The following TBC1D5 variants were observed in gnomAD, a reference collection of about 807,000 sequenced individuals.
The protein encoded by TBC1D5 is TBC1 domain family, member 5.
TBC1D5 carries 75 observed loss-of-function variants against 100.3 expected under a neutral mutation model. The observed-to-expected ratio is 0.75, with a 90% CI of 0.62 to 0.91. The LOEUF (loss-of-function observed/expected upper bound fraction) is 0.91. Ranked by LOEUF, TBC1D5 falls within the 40% of genes least tolerant of loss-of-function variation. The probability of loss-of-function intolerance (pLI) is 0.00; values close to 1 mark genes in which losing one functional copy is unlikely to be tolerated. For synonymous variants in TBC1D5, 323 were observed against 325.6 expected (o/e 0.99, Z 0.09); for missense variants, 910 against 942.4 (o/e 0.97, Z 0.45).
At chr3:17,741,461 G>A (rs572538546), upstream of TBC1D5, among the ~76,000 whole-genome samples, 107 of 152,312 alleles carry the variant, frequency 7.0e-4, no homozygotes, top group Admixed American at 2.2e-3. Flanking sequence ...CCTGCTTTAA[G>A]TATTTTGTGC....
At chr3:17,424,579 C>G (rs1484790326) in intron 4 of TBC1D5, among the ~76,000 whole-genome samples, 6 of 152,164 alleles carry the variant, frequency 3.9e-5, no homozygotes, top group African/African-American at 7.2e-5. Flanking sequence ...TATAAACTTT[C>G]CATTTTAACG....
chr3:17,404,793 A>G (rs745635307), intron 6 of TBC1D5, 25 bp from the exon 7 acceptor site: 21 of 1,599,038 alleles, frequency 1.3e-5, no homozygotes, highest in Non-Finnish European at 1.8e-5. Context: ...GAAAACACAC[A>G]CACAAGGATC....
chr3:17,386,178 T>A (rs915444801), intron 8 of TBC1D5, among the ~76,000 whole-genome samples: 5 of 152,040 alleles, frequency 3.3e-5, no homozygotes, highest in Non-Finnish European at 7.4e-5. Context: ...TTATATAACA[T>A]AAATTTAACT....
At chr3:17,689,866 A>C (rs781662315) in intron 1 of TBC1D5, among the ~76,000 whole-genome samples, 1 of 149,858 alleles carries the variant, frequency 6.7e-6, no homozygotes, top group Non-Finnish European at 1.5e-5. Flanking sequence ...ATCCCTAAAC[A>C]TACCTAAACA....
chr3:17,233,394 G>C (rs1161044569), intron 17 of TBC1D5, among the ~76,000 whole-genome samples: 1 of 152,064 alleles, frequency 6.6e-6, no homozygotes, highest in Non-Finnish European at 1.5e-5. Context: ...GGCACACAAA[G>C]TATACTATGT....
intron 1 of TBC1D5, among the ~76,000 whole-genome samples, chr3:17,662,034 C>G (rs145952284): frequency 5.4e-4 from 82 of 152,162 alleles, no homozygotes; most frequent in African/African-American, 1.8e-3. Context: ...AGGACTACAG[C>G]TATGCACCAC....
At chr3:17,455,540 GTGTGTA>G (rs2095063790) in intron 3 of TBC1D5, among the ~76,000 whole-genome samples, 1 of 147,620 alleles carries the variant, frequency 6.8e-6, no homozygotes, top group African/African-American at 2.6e-5. Flanking sequence ...ATGTGTGTGT[GTGTGTA>G]TATATATATA....
rs549186228 is a variant in TBC1D5, at chr3:17,591,189, T to A, written c.-36+32660A>T. Among the ~76,000 whole-genome samples the A allele has an allele frequency of 1.2e-3, 154 of 127,236 alleles. 1 individual carries two copies. Among genetic ancestry groups the A allele is most frequent in the African/African-American group, 4.4e-3 (149 of 33,542 alleles). The allele number at this position is 127,236 out of a possible 152,430, so 83.5% of individuals were successfully genotyped here. A position where few individuals can be genotyped will look rare whatever the true frequency, so the allele number is the denominator to read the frequency against. ...AGGCAGAGCTTGCAGTGAGCCGAGA[T>A]TGCGCCACTGTACTCCAGACTGGGC... On this transcript the variant is annotated intron_variant, in intron 2 of 21. Transcript: ENST00000253692.
chr3:17,197,750 C>T (rs1002456817), intron 18 of TBC1D5, among the ~76,000 whole-genome samples: 19 of 152,186 alleles, frequency 1.2e-4, no homozygotes, highest in African/African-American at 3.4e-4. Context: ...CTGACAATTC[C>T]GCTGGATGGG....
At chr3:17,254,342 G>C (rs763514534) in intron 16 of TBC1D5, among the ~76,000 whole-genome samples, 1 of 152,070 alleles carries the variant, frequency 6.6e-6, no homozygotes, top group Non-Finnish European at 1.5e-5. Context: ...AATACATGAG[G>C]GTTCTAATTG....
chr3:17,739,414 T>C (rs1248897958), exon 1 of TBC1D5: 12 of 152,244 alleles, frequency 7.9e-5, no homozygotes, highest in African/African-American at 2.7e-4. Flanking sequence ...TCATTTTCTG[T>C]ATCGTCCTCA....
intron 17 of TBC1D5, among the ~76,000 whole-genome samples, chr3:17,231,700 G>A (rs1310108277): frequency 1.3e-5 from 2 of 151,794 alleles, no homozygotes; most frequent in Admixed American, 1.3e-4. Context: ...TTGCTTCTTG[G>A]TACTCTTCAG....
At chr3:17,706,187 C>A in intron 1 of TBC1D5, 2 of 1,559,086 alleles carry the variant, frequency 1.3e-6, no homozygotes, top group Non-Finnish European at 1.7e-6. Flanking sequence ...GCTCGAAGGG[C>A]CTCTTCTCCG....
At chr3:17,665,761 C>A (rs775780221) in intron 1 of TBC1D5, among the ~76,000 whole-genome samples, 21 of 152,184 alleles carry the variant, frequency 1.4e-4, no homozygotes, top group Non-Finnish European at 2.8e-4. Flanking sequence ...CTGGCCCAAT[C>A]ACCTAAACAA....
rs17043175 is a variant in TBC1D5 at position 17,192,800 on chromosome 3, C to A, written c.1753-7592G>T. Among the ~76,000 whole-genome samples, 855 of 152,372 alleles carry A rather than the reference C, an allele frequency of 5.6e-3. 15 individuals are homozygous for A. Among genetic ancestry groups the A allele is most frequent in the African/African-American group, 0.02 (819 of 41,588 alleles). Reference sequence around the variant, plus strand: ...AGCTGGGCAAGTAGCAGAAATCCCACTGGTAGGCTTCCTTGTTTTTCAGCC... The same window carrying A: ...AGCTGGGCAAGTAGCAGAAATCCCAATGGTAGGCTTCCTTGTTTTTCAGCC... On this transcript the variant is annotated intron_variant, in intron 18 of 21. Transcript: ENST00000253692.
intron 12 of TBC1D5, 57 bp from the exon 13 acceptor site, chr3:17,372,304 G>A (rs2092506478): frequency 1.4e-6 from 2 of 1,423,554 alleles, no homozygotes; most frequent in Non-Finnish European, 1.9e-6. Flanking sequence ...TAAATATATG[G>A]ATGTCATTCT....
intron 14 of TBC1D5, among the ~76,000 whole-genome samples, chr3:17,305,633 G>A (rs1424574913): frequency 6.6e-6 from 1 of 152,100 alleles, no homozygotes; most frequent in Admixed American, 6.6e-5. Flanking sequence ...ACTCAGCAAA[G>A]TCAAGCCCAG....
At chr3:17,436,068 T>C (rs2094530165) in intron 3 of TBC1D5, among the ~76,000 whole-genome samples, 1 of 152,216 alleles carries the variant, frequency 6.6e-6, no homozygotes, top group Non-Finnish European at 1.5e-5. Flanking sequence ...GTCCATGATC[T>C]CTGTTTGAAG....
At chr3:17,627,919 CGTATTTTTTCACATCT>C (rs1331076525) in intron 1 of TBC1D5, among the ~76,000 whole-genome samples, 4 of 152,056 alleles carry the variant, frequency 2.6e-5, no homozygotes, top group African/African-American at 9.7e-5. Context: ...TATTCACTTT[CGTATTTTTTCACATCT>C]GCATTAGCTC....
Sources: allele counts gnomAD v4.1 joint callset (sites outside exome capture counted in the v4.1 genomes callset), GRCh38; gene constraint gnomAD v4.1.1; transcripts MANE v1.5; gene names NCBI Gene and HGNC (gene_info 2026-07-23, HGNC 2026-07-21).